Variants in EXTL3 observed in about 807,000 individuals in gnomAD.
EXTL3 encodes the protein exostosin like glycosyltransferase 3, also known as exostosin-like 3.
EXTL3 carries 27 observed loss-of-function variants against 69.3 expected under a neutral mutation model. The ratio of observed to expected loss-of-function variants is 0.39; its 90% CI spans 0.29 to 0.54. EXTL3 has a LOEUF of 0.54. Ranked by LOEUF, EXTL3 falls within the 20% of genes least tolerant of loss-of-function variation. The pLI is 0.69. For synonymous variants in EXTL3, 511 were observed against 499.4 expected (o/e 1.02, Z -0.31); for missense variants, 1,003 against 1,231.8 (o/e 0.81, Z 2.78).
intron 5 of EXTL3, 101 bp downstream of exon 5, chr8:28,737,764 C>T: frequency 7.7e-7 from 1 of 1,305,102 alleles, no homozygotes; most frequent in East Asian, 2.3e-5. Context: ...ACGCTTCTTA[C>T]ATGTTTCTTT....
At chr8:28,700,063 A>T (rs1198589035), upstream of EXTL3, 1 of 149,040 alleles carries the variant, frequency 6.7e-6, no homozygotes, top group Admixed American at 6.7e-5. Context: ...AAAAAAAAAA[A>T]ATTATGATAC....
chr8:28,670,784 C>T (rs1268635186), intron 1 of EXTL3, among the ~76,000 whole-genome samples: 1 of 152,178 alleles, frequency 6.6e-6, no homozygotes, highest in African/African-American at 2.4e-5. Flanking sequence ...ACCTGAATAA[C>T]GTCTGACCCA....
intron 4 of EXTL3, among the ~76,000 whole-genome samples, chr8:28,732,305 G>A (rs1801553810): frequency 6.6e-6 from 1 of 152,114 alleles, no homozygotes; most frequent in Non-Finnish European, 1.5e-5. Context: ...TTGAGGGTAA[G>A]CATTCAGAAA....
chr8:28,715,895 G>C lies in EXTL3; in HGVS notation c.-165G>C. On this transcript the variant is annotated 5_prime_UTR_variant, in exon 3 of 7. Transcript: ENST00000220562. ...AATAGGGTCAGAGACCATTTCAGCTGCAGCTGAGGAAAATGAAATGTTCAT... is the reference window on the plus strand; with the variant it reads ...AATAGGGTCAGAGACCATTTCAGCTCCAGCTGAGGAAAATGAAATGTTCAT... 1.6e-6 allele frequency: 1 copy of C among 625,070 alleles called. No homozygotes were observed. The highest frequency in any genetic ancestry group is 2.8e-6 in the Non-Finnish European group (1 of 358,770). 38.7% of individuals were successfully genotyped at this position (625,070 alleles called of 1,614,324 possible). A position where few individuals can be genotyped will look rare whatever the true frequency, so the allele number is the denominator to read the frequency against.
intron 1 of EXTL3, among the ~76,000 whole-genome samples, chr8:28,709,434 A>C (rs1166545161): frequency 1.3e-5 from 2 of 152,116 alleles, no homozygotes; most frequent in Non-Finnish European, 2.9e-5. Context: ...TTCTCCCTTC[A>C]TACCTTCCAC....
rs1004549394 is a variant in EXTL3 at position 28,755,251 on chromosome 8, C to T, written c.*4385C>T. ...GCCTGGCTGAGTGCCCTGCTCACCT[C>T]CTATTAGAGCCCCCACGCTCTGTCG... is the stretch of plus-strand genomic sequence containing the variant. On this transcript the variant is annotated 3_prime_UTR_variant, in exon 7 of 7. Transcript: ENST00000220562. The T allele has an allele frequency of 7.9e-5, 12 of 152,384 alleles. No homozygotes were observed. The highest frequency in any genetic ancestry group is 2.9e-4 in the African/African-American group (12 of 41,456). The allele number at this position is 152,384 out of a possible 1,614,324, so 9.4% of individuals were successfully genotyped here.
intron 3 of EXTL3, among the ~76,000 whole-genome samples, chr8:28,726,663 T>C (rs1801418747): frequency 6.6e-6 from 1 of 152,076 alleles, no homozygotes; most frequent in South Asian, 2.1e-4. Context: ...CACTAGATAC[T>C]AGACGCAAGT....
At chr8:28,746,791 T>G (rs1221919438) in intron 6 of EXTL3, among the ~76,000 whole-genome samples, 4 of 152,204 alleles carry the variant, frequency 2.6e-5, no homozygotes, top group Non-Finnish European at 5.9e-5. Flanking sequence ...TTTTCCTGCC[T>G]CAGTCTTCTG....
chr8:28,666,889 C>T (rs760570048), intron 1 of EXTL3, among the ~76,000 whole-genome samples: 1 of 152,190 alleles, frequency 6.6e-6, no homozygotes, highest in Non-Finnish European at 1.5e-5. Flanking sequence ...CCACTCCTTT[C>T]TTAAAATTGT....
At chr8:28,624,042 G>A (rs1289168548) in intron 1 of EXTL3, among the ~76,000 whole-genome samples, 1 of 152,126 alleles carries the variant, frequency 6.6e-6, no homozygotes, top group Non-Finnish European at 1.5e-5. Context: ...CTCATCCCCA[G>A]AACTGAAGAA....
intron 1 of EXTL3, among the ~76,000 whole-genome samples, chr8:28,659,611 C>T (rs1005489684): frequency 2.6e-5 from 4 of 152,126 alleles, no homozygotes; most frequent in South Asian, 2.1e-4. Flanking sequence ...ATCCTGGATC[C>T]GGGTGTCGGT....
chr8:28,618,864 C>T (rs1585216088), upstream of EXTL3, among the ~76,000 whole-genome samples: 5 of 151,662 alleles, frequency 3.3e-5, no homozygotes, highest in South Asian at 1.0e-3. Context: ...GCTGGTGGAT[C>T]ACGAGGTCAG....
rs900595649 is a variant in EXTL3, at chr8:28,613,990, C to CT, written n.314+6239dup. 9.2e-5 allele frequency among the ~76,000 whole-genome samples: 14 copies of CT among 151,810 alleles called. No individual in the cohort carries two copies. The East Asian group carries it at 1.9e-3, about 21-fold the overall frequency. The stretch of plus-strand genomic sequence containing the variant: ...CCATGCATGCTACCACACCCAGCTA[C>CT]TTTTTTTATGTTTTTGTAGAGATGG... On this transcript the variant is annotated intron_variant and non_coding_transcript_variant, in intron 2 of 4. Transcript: ENST00000522725.
At position 28,716,727 on chromosome 8, in the gene EXTL3, GAGCTAACGTTTATGTTACAGAA is replaced by G; in HGVS notation, c.670_691del (p.Ala224MetfsTer9). ...AAGCAGGCTTTTCAGGCGACAGCAC[GAGCTAACGTTTATGTTACAGAA>G]AATGCAGACATCGCCTGCCTTTACG... is the stretch of plus-strand genomic sequence containing the variant. On this transcript the variant is annotated frameshift_variant, in exon 3 of 7. Transcript: ENST00000220562. LOFTEE classifies it high-confidence loss of function. This position sits in a 1 kb window ranked among gnomAD's most constrained non-coding sequence, Gnocchi z 7.1. The G allele has an allele frequency of 6.2e-7, 1 of 1,614,216 alleles. No homozygotes were observed. The highest frequency in any genetic ancestry group is 8.5e-7 in the Non-Finnish European group (1 of 1,180,042).
chr8:28,625,623 A>G lies in EXTL3; in HGVS notation c.-53+2813A>G, dbSNP rs546804929. 1.6e-4 allele frequency among the ~76,000 whole-genome samples: 25 copies of G among 152,320 alleles called. 1 individual carries two copies. The South Asian group carries it at 5.2e-3, about 32-fold the overall frequency. On this transcript the variant is annotated intron_variant, in intron 1 of 6. Transcript: ENST00000523149. ...CATGTATTTGTTCAATAAACACCCT[A>G]GCACAGTTTTAGGATTAGGAATATG...
rs939881568 is a variant in EXTL3 at position 28,701,548 on chromosome 8, G to A, written c.-681G>A. On this transcript the variant is annotated 5_prime_UTR_variant, in exon 1 of 7. Coordinates refer to ENST00000220562, the MANE Select transcript of EXTL3 (RefSeq NM_001440.4). ...GCTGCCGGCCGGCAGGGGGAGCGGC[G>A]GATCAGGCGCGGCCTGGAAGGCGGG... The A allele has an allele frequency of 7.2e-5, 11 of 152,740 alleles. No individual in the cohort carries two copies. The highest frequency in any genetic ancestry group is 2.7e-4 in the African/African-American group (11 of 41,422). 9.5% of individuals were successfully genotyped at this position (152,740 alleles called of 1,614,324 possible).
At chr8:28,736,970 T>C (rs1801664889) in intron 4 of EXTL3, among the ~76,000 whole-genome samples, 1 of 152,164 alleles carries the variant, frequency 6.6e-6, no homozygotes. Flanking sequence ...ACCCAGCTAA[T>C]TACAAACAAA....
At chr8:28,686,688 T>G (rs1441740099) in intron 1 of EXTL3, among the ~76,000 whole-genome samples, 6 of 152,182 alleles carry the variant, frequency 3.9e-5, no homozygotes, top group Non-Finnish European at 4.4e-5. Context: ...TTTATTTATT[T>G]TAGAAAAATT....
intron 1 of EXTL3, among the ~76,000 whole-genome samples, chr8:28,640,185 C>T (rs1311558734): frequency 6.6e-6 from 1 of 152,000 alleles, no homozygotes; most frequent in Non-Finnish European, 1.5e-5. Context: ...GTGAAATATC[C>T]CCAATATTAC....
Sources: allele counts gnomAD v4.1 joint callset (sites outside exome capture counted in the v4.1 genomes callset), GRCh38; gene constraint gnomAD v4.1.1; non-coding constraint Gnocchi (gnomAD v3.1); transcripts MANE v1.5; gene names NCBI Gene and HGNC (gene_info 2026-07-23, HGNC 2026-07-21).